Variants in PDE4D observed in about 807,000 individuals in gnomAD.
PDE4D encodes 3',5'-cyclic-AMP phosphodiesterase 4D.
A neutral mutation model predicts 87.4 loss-of-function variants in PDE4D; 24 were observed. That is an observed-to-expected ratio of 0.27 (90% CI 0.20 to 0.39). The LOEUF (loss-of-function observed/expected upper bound fraction) is 0.39, where lower values mean the gene tolerates loss of function less well. Among genes scored for constraint, PDE4D ranks in the 10% least tolerant of loss-of-function variants. The pLI, the probability that PDE4D is intolerant of heterozygous loss-of-function variation, is 1.00. For missense variants in PDE4D, 714 were observed against 1,041.0 expected (o/e 0.69, Z 4.32); for synonymous variants, 384 against 383.2 (o/e 1.00, Z -0.02).
chr5:59,998,187 C>T lies in PDE4D; in HGVS notation c.43-9470G>A, dbSNP rs550120214. 1.2e-4 allele frequency among the ~76,000 whole-genome samples: 19 copies of T among 152,090 alleles called. No individual in the cohort carries two copies. The South Asian group carries it at 3.7e-3, about 30-fold the overall frequency. ...TGATATCAATGTTCATAGTTTTAGC[C>T]CAAATGTAACATTGCCCCCATTTTT... On this transcript the variant is annotated intron_variant, in intron 2 of 16. Transcript: ENST00000502484.
At chr5:59,634,499 C>T (rs936411678) in intron 1 of PDE4D, among the ~76,000 whole-genome samples, 3 of 152,154 alleles carry the variant, frequency 2.0e-5, no homozygotes, top group Non-Finnish European at 2.9e-5. Context: ...AAACACTCCT[C>T]AGCAAATGCA....
chr5:59,453,710 A>G (rs1409880752), intron 1 of PDE4D, among the ~76,000 whole-genome samples: 1 of 152,224 alleles, frequency 6.6e-6, no homozygotes. Context: ...GCCAGCAGAG[A>G]CTGTCTCATG....
chr5:60,011,806 C>G (rs1022889885), intron 2 of PDE4D, among the ~76,000 whole-genome samples: 1 of 152,078 alleles, frequency 6.6e-6, no homozygotes, highest in African/African-American at 2.4e-5. Flanking sequence ...ATTAATAACT[C>G]GGTCATCAAA....
intron 2 of PDE4D, among the ~76,000 whole-genome samples, chr5:59,999,108 T>C (rs985283916): frequency 5.9e-5 from 9 of 152,120 alleles, no homozygotes; most frequent in African/African-American, 2.2e-4. Context: ...AAGAAAATAA[T>C]AGTCTCATTG....
intron 1 of PDE4D, among the ~76,000 whole-genome samples, chr5:59,845,036 A>T (rs1024494633): frequency 1.5e-4 from 23 of 152,046 alleles, no homozygotes; most frequent in African/African-American, 5.6e-4. Context: ...GGTGATCAGC[A>T]AGAAAGTGGG....
chr5:59,187,172 C>T (rs539206750), intron 3 of PDE4D, among the ~76,000 whole-genome samples: 2 of 152,140 alleles, frequency 1.3e-5, no homozygotes, highest in African/African-American at 4.8e-5. Flanking sequence ...AGGGAAACAT[C>T]AGTCATGAAA....
chr5:60,048,902 A>C, intron 2 of PDE4D, among the ~76,000 whole-genome samples: 1 of 152,052 alleles, frequency 6.6e-6, no homozygotes, highest in Non-Finnish European at 1.5e-5. Context: ...CCTGAATCTG[A>C]ATTTTGGCCT....
At chr5:59,507,315 C>A (rs754524852) in intron 1 of PDE4D, among the ~76,000 whole-genome samples, 5 of 151,646 alleles carry the variant, frequency 3.3e-5, no homozygotes, top group Non-Finnish European at 5.9e-5. Context: ...CTGGGCAAAG[C>A]AGTGGAACTC....
intron 1 of PDE4D, among the ~76,000 whole-genome samples, chr5:59,791,130 G>T (rs115385446): frequency 2.9e-3 from 435 of 152,260 alleles, no homozygotes; most frequent in African/African-American, 0.01. Context: ...ATTCCTAATT[G>T]TTCCTAATGT....
chr5:59,447,589 A>G (rs955484937), intron 1 of PDE4D, among the ~76,000 whole-genome samples: 3 of 152,268 alleles, frequency 2.0e-5, no homozygotes, highest in Non-Finnish European at 4.4e-5. Context: ...TAAGAAGAAA[A>G]GGAATAGTAA....
chr5:59,378,878 T>C (rs555366554), intron 1 of PDE4D, among the ~76,000 whole-genome samples: 2 of 152,222 alleles, frequency 1.3e-5, no homozygotes, highest in African/African-American at 4.8e-5. Context: ...CTCCAGCTCC[T>C]CTCCACACAC....
At chr5:59,269,368 C>T (rs1763387364) in intron 1 of PDE4D, among the ~76,000 whole-genome samples, 1 of 151,994 alleles carries the variant, frequency 6.6e-6, no homozygotes, top group Admixed American at 6.6e-5. Flanking sequence ...AAATAAGATG[C>T]TAAATAAAAT....
intron 1 of PDE4D, among the ~76,000 whole-genome samples, chr5:59,840,632 A>G (rs1354525728): frequency 6.6e-6 from 1 of 152,066 alleles, no homozygotes; most frequent in African/African-American, 2.4e-5. Flanking sequence ...TAGAGAAGTC[A>G]TGATAATTGT....
intron 1 of PDE4D, among the ~76,000 whole-genome samples, chr5:59,375,323 C>T (rs1386371210): frequency 6.6e-6 from 1 of 152,022 alleles, no homozygotes; most frequent in Non-Finnish European, 1.5e-5. Flanking sequence ...AGAGAAGATT[C>T]AAATAAACAC....
At chr5:59,870,924 G>C (rs1232746526) in intron 1 of PDE4D, among the ~76,000 whole-genome samples, 1 of 152,018 alleles carries the variant, frequency 6.6e-6, no homozygotes, top group African/African-American at 2.4e-5. Flanking sequence ...GCTTGTTTTG[G>C]GATACATGTA....
intron 2 of PDE4D, among the ~76,000 whole-genome samples, chr5:60,169,123 C>T (rs774136812): frequency 9.2e-5 from 14 of 152,006 alleles, no homozygotes; most frequent in Non-Finnish European, 1.8e-4. Flanking sequence ...TATTAATCTC[C>T]AAGAACTATT....
chr5:59,412,220 A>G (rs1320817108), intron 1 of PDE4D, among the ~76,000 whole-genome samples: 1 of 152,190 alleles, frequency 6.6e-6, no homozygotes, highest in Admixed American at 6.5e-5. Context: ...CTTTTACATT[A>G]AATGCAACGT....
At chr5:59,747,224 A>G (rs185623864) in intron 1 of PDE4D, among the ~76,000 whole-genome samples, 148 of 152,204 alleles carry the variant, frequency 9.7e-4, no homozygotes, top group Non-Finnish European at 1.6e-3. Flanking sequence ...TGACTCCAAA[A>G]ATCTTCCAAA....
intron 1 of PDE4D, chr5:60,262,486 A>T (rs9291686): frequency 5.9e-5 from 9 of 151,870 alleles, no homozygotes; most frequent in African/African-American, 1.9e-4. Context: ...ACATGTCAGT[A>T]CTTATTCAGT....
Sources: gnomAD v4.1 joint callset for allele counts (sites outside exome capture counted in the v4.1 genomes callset) on GRCh38, gnomAD v4.1.1 for gene constraint, MANE v1.5 for transcripts, NCBI Gene and HGNC (gene_info 2026-07-23, HGNC 2026-07-21) for gene names.